The following PSMD3 variants were observed in gnomAD, a reference collection of about 807,000 sequenced individuals.
The protein encoded by PSMD3 is proteasome 26S subunit, non-ATPase 3, also known as 26S proteasome non-ATPase regulatory subunit 3.
In PSMD3, 5 loss-of-function variants were observed where a neutral mutation model predicts 62.8. The ratio of observed to expected loss-of-function variants is 0.08; its 90% CI spans 0.04 to 0.17. The LOEUF is 0.17. Ranked by LOEUF, PSMD3 falls within the 10% of genes least tolerant of loss-of-function variation. The pLI is 1.00. For missense variants in PSMD3, 524 were observed against 713.6 expected, an observed-to-expected ratio of 0.73 and a Z score of 3.03; for synonymous variants, 265 against 283.9, an observed-to-expected ratio of 0.93 and a Z score of 0.67.
chr17:39,997,878 G>T lies in PSMD3; in HGVS notation c.*297G>T, dbSNP rs114388231. ...CTGTGTACTCCTTTAGGGAGTGGGG[G>T]ACTAGAACTGGGATGTCTTGGCTTG... On this transcript the variant is annotated 3_prime_UTR_variant, in exon 12 of 12. Transcript: ENST00000264639. The T allele has an allele frequency of 3.1e-3, 1,444 of 461,360 alleles. 15 individuals are homozygous for T. Among genetic ancestry groups the T allele is most frequent in the African/African-American group, 0.026 (1,339 of 51,390 alleles). 28.6% of individuals were successfully genotyped at this position (461,360 alleles called of 1,614,324 possible).
chr17:39,987,935 G>A (rs959842332), intron 3 of PSMD3, among the ~76,000 whole-genome samples: 5 of 152,132 alleles, frequency 3.3e-5, no homozygotes, highest in Admixed American at 2.0e-4. Context: ...GTGAAACCCT[G>A]TCTTTACTAA....
rs1980770025 is a variant in PSMD3 at position 39,995,878 on chromosome 17, G to A, written c.1321-305G>A. On this transcript the variant is annotated intron_variant, in intron 9 of 11. Coordinates refer to ENST00000264639, the MANE Select transcript of PSMD3 (RefSeq NM_002809.4). The surrounding 1 kb of genome is among the most constrained non-coding windows in gnomAD (Gnocchi z 4.1). ...TCATGCCTGTAATCCCAGCACTTTGGGAGGCTGACATGGGCAGATCACCTG... is the reference window on the plus strand; with the variant it reads ...TCATGCCTGTAATCCCAGCACTTTGAGAGGCTGACATGGGCAGATCACCTG... 2.1e-6 allele frequency: 1 copy of A among 476,448 alleles called. No homozygotes were observed. Among genetic ancestry groups the A allele is most frequent in the Admixed American group, 3.4e-5 (1 of 29,850 alleles). 29.5% of individuals were successfully genotyped at this position (476,448 alleles called of 1,614,324 possible).
Position 39,990,183 on chromosome 17 carries a change from G to T in PSMD3, c.967G>T (p.Gly323Cys). The T allele has an allele frequency of 6.2e-7, 1 of 1,612,980 alleles. No homozygotes were observed. The highest frequency in any genetic ancestry group is 8.5e-7 in the Non-Finnish European group (1 of 1,179,654). Residue 323 changes from glycine to cysteine, a missense_variant, in exon 6 of 12, where the codon GGC becomes TGC. Gly to Cys is a radical substitution (Grantham distance 159). Coordinates refer to ENST00000264639, the MANE Select transcript of PSMD3 (RefSeq NM_002809.4). ...CAAGGCCCCTCAGCACACAGCTGTC[G>T]GCTTCAAACAGACGGTGAGCCACAA... ...LRKAPQHTAV[G>C]FKQTVHKLLI...
At position 39,995,364 on chromosome 17, in the gene PSMD3, C is replaced by G; in HGVS notation, c.1217-60C>G. 1 of 1,613,582 alleles carries G rather than the reference C, an allele frequency of 6.2e-7. No individual in the cohort carries two copies. The highest frequency in any genetic ancestry group is 8.5e-7 in the Non-Finnish European group (1 of 1,179,526). ...GGCCAGGGCAAACCTAGTGGGTATC[C>G]TTGGGCAAGTGAAGGGTCTGTGTCC... On this transcript the variant is annotated intron_variant, in intron 8 of 11. Coordinates refer to ENST00000264639, the MANE Select transcript of PSMD3 (RefSeq NM_002809.4). This position sits in a 1 kb window ranked among gnomAD's most constrained non-coding sequence, Gnocchi z 4.1.
Position 39,981,046 on chromosome 17 carries a change from C to T in PSMD3, c.76C>T (p.Pro26Ser), listed in dbSNP as rs1292151716. ...KPPPGGGEQE[P>S]PPPPAPQDVE... ...GCCGCCCGGCGGAGGAGAACAAGAA[C>T]CCCCACCGCCGCCGGCCCCCCAGGA... Residue 26 changes from proline (P) to serine (S), a missense_variant, in exon 1 of 12, where the codon CCC becomes TCC. Pro to Ser is a moderately conservative substitution (Grantham distance 74). This residue lies in a region of PSMD3 where 396 missense variants were observed against 475.8 expected (regional missense o/e 0.83). Transcript: ENST00000264639. The T allele has an allele frequency of 6.5e-7, 1 of 1,549,668 alleles. No homozygotes were observed. Among genetic ancestry groups the T allele is most frequent in the African/African-American group, 1.4e-5 (1 of 73,134 alleles).
intron 1 of PSMD3, among the ~76,000 whole-genome samples, chr17:39,983,995 CGA>C (rs1046748295): frequency 6.6e-6 from 1 of 151,932 alleles, no homozygotes; most frequent in Non-Finnish European, 1.5e-5. Flanking sequence ...GTCAGGAGAT[CGA>C]GACCATCCTG....
chr17:39,988,997 TGAA>T (rs917533414), intron 4 of PSMD3, among the ~76,000 whole-genome samples, 178 bp downstream of exon 4: 16 of 152,250 alleles, frequency 1.1e-4, no homozygotes, highest in Admixed American at 1.0e-3. Flanking sequence ...TGGTGCTAGA[TGAA>T]GAAGTGGGTC....
At position 39,988,814 on chromosome 17, in the gene PSMD3, G is replaced by A. The variant is rs9913561; in HGVS notation, c.681G>A (p.Val227=). 9.9e-6 allele frequency: 16 copies of A among 1,613,528 alleles called. No homozygotes were observed. In the East Asian group the frequency reaches 1.1e-4, roughly 11 times the overall value. ...VYEFLDKLDV[V]RSFLHARLRT... is the part of the protein sequence containing the mutation. Reference sequence around the variant, plus strand: ...AGTTCCTGGACAAGCTGGATGTGGTGCGCAGGTACAGGCAGCCAAGCATCT... The same window carrying A: ...AGTTCCTGGACAAGCTGGATGTGGTACGCAGGTACAGGCAGCCAAGCATCT... Residue 227 remains valine (V), a synonymous_variant, in exon 4 of 12, where the codon GTG becomes GTA. Transcript: ENST00000264639.
At chr17:39,993,382 A>T (rs1279508425) in intron 6 of PSMD3, 5 of 151,772 alleles carry the variant, frequency 3.3e-5, no homozygotes. Context: ...CATAACACTA[A>T]CTCTGACCCC....
At chr17:39,989,627 C>A in intron 4 of PSMD3, 112 bp from the exon 5 acceptor site, 1 of 1,092,810 alleles carries the variant, frequency 9.2e-7, no homozygotes, top group Non-Finnish European at 1.3e-6. Context: ...AGCAAATAAC[C>A]AGAAAAGCAA....
At chr17:39,992,509 G>A (rs1980681832) in intron 6 of PSMD3, among the ~76,000 whole-genome samples, 1 of 152,312 alleles carries the variant, frequency 6.6e-6, no homozygotes, top group South Asian at 2.1e-4. Flanking sequence ...GCTGCTGGTG[G>A]CACAGAGCGC....
At position 39,995,373 on chromosome 17, in the gene PSMD3, G is replaced by A. The variant is rs1344244051; in HGVS notation, c.1217-51G>A. 6 of 1,613,230 alleles carry A rather than the reference G, an allele frequency of 3.7e-6. No homozygotes were observed. The highest frequency in any genetic ancestry group is 5.1e-6 in the Non-Finnish European group (6 of 1,179,222). ...AAACCTAGTGGGTATCCTTGGGCAA[G>A]TGAAGGGTCTGTGTCCACTCTGCCC... On this transcript the variant is annotated intron_variant, in intron 8 of 11. Coordinates refer to ENST00000264639, the MANE Select transcript of PSMD3 (RefSeq NM_002809.4). The surrounding 1 kb of genome is among the most constrained non-coding windows in gnomAD (Gnocchi z 4.1).
At chr17:39,987,964 G>A (rs887418154) in intron 3 of PSMD3, among the ~76,000 whole-genome samples, 6 of 152,200 alleles carry the variant, frequency 3.9e-5, no homozygotes, top group East Asian at 3.9e-4. Flanking sequence ...AAAATTAGCC[G>A]GGCGTGGTGG....
At chr17:39,983,733 TTTTTC>T (rs994051592) in intron 1 of PSMD3, among the ~76,000 whole-genome samples, 3 of 152,202 alleles carry the variant, frequency 2.0e-5, no homozygotes, top group Admixed American at 6.5e-5. Flanking sequence ...AGTTAATTGG[TTTTTC>T]TTTTCTTCCT....
intron 10 of PSMD3, 113 bp from the exon 11 acceptor site, chr17:39,997,217 C>T (rs545175558): frequency 1.5e-5 from 15 of 988,780 alleles, no homozygotes; most frequent in South Asian, 4.1e-5. Flanking sequence ...GAGAGGGGCC[C>T]GCCGCTTCCT....
In PSMD3 at chr17:39,996,325, A is replaced by C; in HGVS notation, c.1463A>C (p.Asn488Thr). The C allele has an allele frequency of 6.2e-7, 1 of 1,613,654 alleles. No homozygotes were observed. ...ATCTCCTTCTGCCTAGATATCCACA[A>C]CATGTCTGTCAAGGTGAGAAGCCCG... Reference protein sequence around the residue: ...QRISFCLDIHNMSVKAMRFPP... With the variant: ...QRISFCLDIHTMSVKAMRFPP... Residue 488 changes from asparagine (N) to threonine (T), a missense_variant, in exon 10 of 12, where the codon AAC becomes ACC. Coordinates refer to ENST00000264639, the MANE Select transcript of PSMD3 (RefSeq NM_002809.4). The surrounding 1 kb of genome is among the most constrained non-coding windows in gnomAD (Gnocchi z 5.1).
rs541195170 is a variant in PSMD3 at position 39,991,640 on chromosome 17, C to T, written c.981+1443C>T. On this transcript the variant is annotated intron_variant, in intron 6 of 11. Coordinates refer to ENST00000264639, the MANE Select transcript of PSMD3 (RefSeq NM_002809.4). ...TGGTGTCTTGACAGGGAACGGGAGA[C>T]GTGTGTTGATTAGGTCAATGTAGTA... is the stretch of plus-strand genomic sequence containing the variant. Among the ~76,000 whole-genome samples the T allele has an allele frequency of 5.7e-4, 87 of 152,232 alleles. No individual in the cohort carries two copies. In the South Asian group the frequency reaches 0.015, roughly 25 times the overall value.
chr17:39,981,412 A>G (rs990005245), intron 1 of PSMD3, among the ~76,000 whole-genome samples: 40 of 151,958 alleles, frequency 2.6e-4, no homozygotes, highest in African/African-American at 9.2e-4. Flanking sequence ...CTCCATCCCC[A>G]TATCTGGGGT....
chr17:39,988,745 C>A lies in PSMD3; in HGVS notation c.612C>A (p.Asp204Glu). Residue 204 changes from aspartate to glutamate, a missense_variant, in exon 4 of 12, where the codon GAC (aspartate) becomes GAA (glutamate). Asp to Glu is a conservative substitution (Grantham distance 45). Transcript: ENST00000264639. ...GTACTCAGAACCGCCGGGCCCTAGACCTTGTAGCCGCAAAGTGTTACTATT... is the reference window on the plus strand; with the variant it reads ...GTACTCAGAACCGCCGGGCCCTAGAACTTGTAGCCGCAAAGTGTTACTATT... ...KISTQNRRAL[D>E]LVAAKCYYYH... The A allele has an allele frequency of 6.2e-7, 1 of 1,614,162 alleles. No homozygotes were observed. The highest frequency in any genetic ancestry group is 8.5e-7 in the Non-Finnish European group (1 of 1,180,026).
Sources: gnomAD v4.1 joint callset for allele counts (sites outside exome capture counted in the v4.1 genomes callset) on GRCh38, gnomAD v4.1.1 for gene constraint, gnomAD v4.1.1 regional missense constraint, Gnocchi (gnomAD v3.1) non-coding constraint, MANE v1.5 for transcripts, NCBI Gene and HGNC (gene_info 2026-07-23, HGNC 2026-07-21) for gene names.